MCOLN1: variants seen among roughly 807,000 people sequenced by gnomAD.
MCOLN1 encodes mucolipin-1.
A neutral mutation model predicts 70.3 loss-of-function variants in MCOLN1; 50 were observed. The observed-to-expected ratio is 0.71, with a 90% confidence interval of 0.57 to 0.90. The LOEUF (loss-of-function observed/expected upper bound fraction) is 0.90, where lower values mean the gene tolerates loss of function less well. Ranked by LOEUF, MCOLN1 falls within the 40% of genes least tolerant of loss-of-function variation. The pLI, the probability that MCOLN1 is intolerant of heterozygous loss-of-function variation, is 0.00. For missense variants in MCOLN1, 598 were observed against 803.5 expected, an observed-to-expected ratio of 0.74 and a Z score of 3.09; for synonymous variants, 366 against 341.0, an observed-to-expected ratio of 1.07 and a Z score of -0.81.
Position 7,526,837 on chromosome 19 carries a change from C to T in MCOLN1, c.482C>T (p.Ser161Leu), listed in dbSNP as rs2022578631. 1 of 1,614,120 alleles carries T rather than the reference C, an allele frequency of 6.2e-7. No individual in the cohort carries two copies. The highest frequency in any genetic ancestry group is 1.1e-5 in the South Asian group (1 of 91,078). ...RGGGDPWTNGSGLALCQRYYH... is the reference protein window; with the variant it reads ...RGGGDPWTNGLGLALCQRYYH... The stretch of plus-strand genomic sequence containing the variant: ...GGGGGTGACCCTTGGACCAATGGCT[C>T]AGGGCTTGCTCTCTGCCAGCGGTAC... The change falls in exon 4 of 14, where the codon TCA becomes TTA. Residue 161 changes from serine to leucine, a missense_variant. Ser to Leu is a moderately radical substitution (Grantham distance 145). This residue lies in a region of MCOLN1 where 461 missense variants were observed against 588.4 expected (regional missense o/e 0.78). Transcript: ENST00000264079. The surrounding 1 kb of genome is among the most constrained non-coding windows in gnomAD (Gnocchi z 4.6).
At position 7,528,188 on chromosome 19, in the gene MCOLN1, C is replaced by T; in HGVS notation, c.808C>T (p.Arg270Trp). Reference protein sequence around the residue: ...ITFDNKAHSGRIPISLETQAH... With the variant: ...ITFDNKAHSGWIPISLETQAH... ...GTTTGACAACAAAGCACACAGTGGG[C>T]GGATCCCCATCAGCCTGGAGACCCA... Residue 270 changes from arginine (R) to tryptophan (W), a missense_variant, in exon 7 of 14, where the codon CGG (arginine) becomes TGG (tryptophan). This residue lies in a region of MCOLN1 where 461 missense variants were observed against 588.4 expected (regional missense o/e 0.78). Coordinates refer to ENST00000264079, the MANE Select transcript of MCOLN1 (RefSeq NM_020533.3). This position sits in a 1 kb window ranked among gnomAD's most constrained non-coding sequence, Gnocchi z 4.2. The T allele has an allele frequency of 2.5e-6, 4 of 1,614,048 alleles. No homozygotes were observed. The highest frequency in any genetic ancestry group is 1.3e-5 in the African/African-American group (1 of 74,996).
chr19:7,527,985 G>T, intron 6 of MCOLN1, 25 bp downstream of exon 6: 1 of 1,599,378 alleles, frequency 6.3e-7, no homozygotes, highest in Non-Finnish European at 8.6e-7. Flanking sequence ...GAACCCACAG[G>T]GCTCCTGAGT....
intron 10 of MCOLN1, 89 bp from the exon 11 acceptor site, chr19:7,529,501 G>GCGGCC: frequency 2.1e-5 from 16 of 747,236 alleles, no homozygotes; most frequent in East Asian, 2.9e-5. Context: ...CCTCGGCAAG[G>GCGGCC]CCCCGCCCCT....
chr19:7,533,716 C>G, intron 13 of MCOLN1, 43 bp from the exon 14 acceptor site: 1 of 1,614,136 alleles, frequency 6.2e-7, no homozygotes, highest in Non-Finnish European at 8.5e-7. Flanking sequence ...GGGGAGCGAG[C>G]CAGAGAAAAC....
intron 12 of MCOLN1, 130 bp downstream of exon 12, chr19:7,530,631 A>G (rs1228198599): frequency 6.3e-6 from 6 of 947,866 alleles, no homozygotes; most frequent in Non-Finnish European, 1.0e-5. Context: ...CTATGAAACC[A>G]AAAAGAGGGT....
In MCOLN1 at chr19:7,533,524, A is replaced by G; in HGVS notation, c.1577A>G (p.His526Arg). 1.2e-6 allele frequency: 2 copies of G among 1,610,830 alleles called. No individual in the cohort carries two copies. Among genetic ancestry groups the G allele is most frequent in the Non-Finnish European group, 1.7e-6 (2 of 1,179,670 alleles). Residue 526 changes from histidine to arginine, a missense_variant and splice_region_variant, in exon 13 of 14, where the codon CAT becomes CGT. Coordinates refer to ENST00000264079, the MANE Select transcript of MCOLN1 (RefSeq NM_020533.3). ...GAGCCTCCCGGCTTCTCTCCCCAGC[A>G]TCCCGGCGGCGCAGGCGCAGAGGAG... The part of the protein sequence containing the change: ...LITGAYDTIK[H>R]PGGAGAEESE...
At position 7,526,677 on chromosome 19, in the gene MCOLN1, A is replaced by T; in HGVS notation, c.405+71A>T. 1 of 1,415,932 alleles carries T rather than the reference A, an allele frequency of 7.1e-7. No individual in the cohort carries two copies. The highest frequency in any genetic ancestry group is 9.6e-7 in the Non-Finnish European group (1 of 1,044,834). The allele number at this position is 1,415,932 out of a possible 1,614,324, so 87.7% of individuals were successfully genotyped here. ...GGCGGGCAGGTGCAGTTGGGCGGGC[A>T]GGTGCTGGTGGGCGGGCAGGTGCAG... is the stretch of plus-strand genomic sequence containing the variant. On this transcript the variant is annotated intron_variant, in intron 3 of 13. Transcript: ENST00000264079. This position sits in a 1 kb window ranked among gnomAD's most constrained non-coding sequence, Gnocchi z 4.6.
rs566012590 is a variant in MCOLN1, at chr19:7,524,039, T to G, written c.32-922T>G. On this transcript the variant is annotated intron_variant, in intron 1 of 13. Transcript: ENST00000264079. This position sits in a 1 kb window ranked among gnomAD's most constrained non-coding sequence, Gnocchi z 4.1. ...CACACCTGACTATTTAAAAAAAATGTTTTTTTTTTGTAGACAGGGAGGTCT... is the reference window on the plus strand; with the variant it reads ...CACACCTGACTATTTAAAAAAAATGGTTTTTTTTTGTAGACAGGGAGGTCT... 5.2e-4 allele frequency among the ~76,000 whole-genome samples: 76 copies of G among 146,514 alleles called. No homozygotes were observed. The highest frequency in any genetic ancestry group is 1.4e-3 in the African/African-American group (55 of 39,486).
chr19:7,529,772 AC>A, intron 11 of MCOLN1, 60 bp downstream of exon 11: 4 of 1,606,522 alleles, frequency 2.5e-6, no homozygotes, highest in Non-Finnish European at 3.4e-6. Context: ...TGACACTGTG[AC>A]CCCCAGATGA....
At position 7,526,118 on chromosome 19, in the gene MCOLN1, A is replaced by T; in HGVS notation, c.238-321A>T. 1 of 430,734 alleles carries T rather than the reference A, an allele frequency of 2.3e-6. No individual in the cohort carries two copies. The highest frequency in any genetic ancestry group is 2.2e-5 in the South Asian group (1 of 45,916). The allele number at this position is 430,734 out of a possible 1,614,324, so 26.7% of individuals were successfully genotyped here. On this transcript the variant is annotated intron_variant, in intron 2 of 13. Transcript: ENST00000264079. This position sits in a 1 kb window ranked among gnomAD's most constrained non-coding sequence, Gnocchi z 4.6. ...TACTTACCCTGAAAGTTTGGGTTTA[A>T]CACAGAATCGGACATCCAGTAAACA...
In MCOLN1 at chr19:7,528,162, C is replaced by T. The variant is rs73003348; in HGVS notation, c.782C>T (p.Thr261Met). The change falls in exon 7 of 14, where the codon ACG becomes ATG. Residue 261 changes from threonine to methionine, a missense_variant. Physicochemically the swap from Thr to Met is moderately conservative, Grantham distance 81 (BLOSUM62 -1). Coordinates refer to ENST00000264079, the MANE Select transcript of MCOLN1 (RefSeq NM_020533.3). The surrounding 1 kb of genome is among the most constrained non-coding windows in gnomAD (Gnocchi z 4.2). Reference protein sequence around the residue: ...PDCYTFSVLITFDNKAHSGRI... With the variant: ...PDCYTFSVLIMFDNKAHSGRI... ...GCCCCCAACTGGCCCCCACAGATCA[C>T]GTTTGACAACAAAGCACACAGTGGG... The T allele has an allele frequency of 3.5e-3, 5,675 of 1,614,080 alleles. 23 individuals carry two copies. Among genetic ancestry groups the T allele is most frequent in the Admixed American group, 6.5e-3 (391 of 60,030 alleles).
At chr19:7,532,108 G>A (rs1378175206) in intron 12 of MCOLN1, among the ~76,000 whole-genome samples, 1 of 152,244 alleles carries the variant, frequency 6.6e-6, no homozygotes, top group Non-Finnish European at 1.5e-5. Context: ...TCAGGGGACA[G>A]AGCAGGATGC....
chr19:7,529,523 C>CAAA, intron 10 of MCOLN1, 67 bp from the exon 11 acceptor site: 55 of 1,156,108 alleles, frequency 4.8e-5, no homozygotes, highest in Non-Finnish European at 5.7e-5. Flanking sequence ...CCACCCCCAT[C>CAAA]TGGGTGCCCA....
Position 7,526,938 on chromosome 19 carries a change from G to A in MCOLN1, c.571+12G>A. On this transcript the variant is annotated intron_variant, in intron 4 of 13. Transcript: ENST00000264079. The surrounding 1 kb of genome is among the most constrained non-coding windows in gnomAD (Gnocchi z 4.6). ...GATGGTGGTTACTGGTGAGTGGGCAGGACGAGGCTTCACTGTTGGGAGCCT... is the reference window on the plus strand; with the variant it reads ...GATGGTGGTTACTGGTGAGTGGGCAAGACGAGGCTTCACTGTTGGGAGCCT... 5 of 1,614,042 alleles carry A rather than the reference G, an allele frequency of 3.1e-6. No individual in the cohort carries two copies. The highest frequency in any genetic ancestry group is 4.2e-6 in the Non-Finnish European group (5 of 1,180,014).
At chr19:7,531,114 T>C (rs531767630) in intron 12 of MCOLN1, among the ~76,000 whole-genome samples, 3 of 151,920 alleles carry the variant, frequency 2.0e-5, no homozygotes, top group African/African-American at 7.2e-5. Context: ...CCCAGGCTGG[T>C]TTCAAACTCC....
In MCOLN1 at chr19:7,533,562, G is replaced by T. The variant is rs758163053; in HGVS notation, c.1615G>T (p.Ala539Ser). The T allele has an allele frequency of 1.2e-6, 2 of 1,612,166 alleles. No individual in the cohort carries two copies. The highest frequency in any genetic ancestry group is 1.7e-5 in the Admixed American group (1 of 59,994). ...GAGAEESELQAYIAQCQDSPT... is the reference protein window; with the variant it reads ...GAGAEESELQSYIAQCQDSPT... ...AGGCGCAGAGGAGAGCGAGCTGCAG[G>T]CCTACATCGCACAGTGCCAGGACAG... Residue 539 changes from alanine to serine, a missense_variant, in exon 13 of 14, where the codon GCC becomes TCC. Transcript: ENST00000264079.
At chr19:7,529,749 G>A (rs1393323686) in intron 11 of MCOLN1, 37 bp downstream of exon 11, 4 of 1,613,272 alleles carry the variant, frequency 2.5e-6, no homozygotes, top group Non-Finnish European at 3.4e-6. Context: ...CATTGACCCT[G>A]TGACCTTGTC....
rs150778171 is a variant in MCOLN1, at chr19:7,528,838, G to T, written c.1002G>T (p.Met334Ile). Residue 334 changes from methionine (M) to isoleucine (I), a missense_variant, in exon 9 of 14, where the codon ATG becomes ATT. Met to Ile is a conservative substitution (Grantham distance 10). Transcript: ENST00000264079. The surrounding 1 kb of genome is among the most constrained non-coding windows in gnomAD (Gnocchi z 4.2). ...FLLQNEFVGF[M>I]WRQRGRVISL... The stretch of plus-strand genomic sequence containing the variant: ...TTCTGCAGGAGTTTGTGGGGTTCAT[G>T]TGGCGGCAGCGGGGACGGGTCATCA... The T allele has an allele frequency of 9.3e-6, 15 of 1,614,134 alleles. No homozygotes were observed. The highest frequency in any genetic ancestry group is 1.3e-5 in the African/African-American group (1 of 74,948).
At chr19:7,523,443 C>G (rs1020145525) in intron 1 of MCOLN1, among the ~76,000 whole-genome samples, 1 of 152,250 alleles carries the variant, frequency 6.6e-6, no homozygotes, top group African/African-American at 2.4e-5. Context: ...GCTGTAATCT[C>G]AGCTCTGTAA....
Sources: gnomAD v4.1 joint callset for allele counts (sites outside exome capture counted in the v4.1 genomes callset) on GRCh38, gnomAD v4.1.1 for gene constraint, gnomAD v4.1.1 regional missense constraint, Gnocchi (gnomAD v3.1) non-coding constraint, MANE v1.5 for transcripts, NCBI Gene and HGNC (gene_info 2026-07-23, HGNC 2026-07-21) for gene names.